PTPRQ: variants seen among roughly 807,000 people sequenced by gnomAD.
The protein encoded by PTPRQ is protein tyrosine phosphatase receptor type Q, also known as phosphatidylinositol phosphatase PTPRQ.
A neutral mutation model predicts 246.0 loss-of-function variants in PTPRQ; 199 were observed. That is an observed-to-expected ratio of 0.81 (90% CI 0.72 to 0.91). The LOEUF (loss-of-function observed/expected upper bound fraction) is 0.91. Ranked by LOEUF, PTPRQ falls within the 40% of genes least tolerant of loss-of-function variation. The pLI is 0.00. For missense variants in PTPRQ, 2,624 were observed against 2,528.4 expected (o/e 1.04, Z -0.81); for synonymous variants, 869 against 853.2 (o/e 1.02, Z -0.32).
chr12:80,519,183 A>G (rs1053382154), intron 17 of PTPRQ, among the ~76,000 whole-genome samples: 2 of 152,090 alleles, frequency 1.3e-5, no homozygotes, highest in Admixed American at 6.6e-5. Flanking sequence ...TTTATTATAG[A>G]GAACTTTTAC....
intron 26 of PTPRQ, among the ~76,000 whole-genome samples, chr12:80,603,774 G>A (rs1343835020): frequency 6.6e-6 from 1 of 151,420 alleles, no homozygotes; most frequent in African/African-American, 2.4e-5. Flanking sequence ...TCAAAGACTA[G>A]TGCAATTCCC....
In PTPRQ at chr12:80,617,207, T is replaced by A. The variant is rs532436709; in HGVS notation, c.5230+941T>A. ...CCTCTATAGGCCTGAAAAATGGAGA[T>A]AATACTGGTTCCTATCTCAAAGTTA... On this transcript the variant is annotated intron_variant, in intron 30 of 44. Coordinates refer to ENST00000644991, the MANE Select transcript of PTPRQ (RefSeq NM_001145026.2). Among the ~76,000 whole-genome samples, 825 of 151,184 alleles carry A rather than the reference T, an allele frequency of 5.5e-3. 3 individuals are homozygous for A. The highest frequency in any genetic ancestry group is 8.4e-3 in the Non-Finnish European group (565 of 67,446).
intron 25 of PTPRQ, among the ~76,000 whole-genome samples, chr12:80,577,455 C>T (rs902268607): frequency 6.6e-6 from 1 of 152,160 alleles, no homozygotes; most frequent in African/African-American, 2.4e-5. Context: ...ATTCAATTAT[C>T]TCTTCCTGGT....
intron 16 of PTPRQ, among the ~76,000 whole-genome samples, chr12:80,508,790 C>A (rs1031416059): frequency 1.3e-5 from 2 of 151,952 alleles, no homozygotes; most frequent in African/African-American, 4.8e-5. Context: ...GTTTACTTAG[C>A]AATAAAATGT....
At chr12:80,487,493 T>A (rs529283743) in intron 9 of PTPRQ, among the ~76,000 whole-genome samples, 1 of 152,256 alleles carries the variant, frequency 6.6e-6, no homozygotes, top group East Asian at 1.9e-4. Flanking sequence ...GACCTCAAGG[T>A]CATTGTCTAA....
intron 25 of PTPRQ, among the ~76,000 whole-genome samples, chr12:80,584,800 C>T (rs764073128): frequency 1.3e-5 from 2 of 152,026 alleles, no homozygotes; most frequent in Non-Finnish European, 2.9e-5. Flanking sequence ...ATCTTATGTT[C>T]AGATGATCTG....
At chr12:80,555,729 A>G (rs977141164) in intron 25 of PTPRQ, among the ~76,000 whole-genome samples, 2 of 152,198 alleles carry the variant, frequency 1.3e-5, no homozygotes, top group Non-Finnish European at 2.9e-5. Context: ...GGTGTTTTAT[A>G]CAGTATCTTT....
intron 6 of PTPRQ, among the ~76,000 whole-genome samples, chr12:80,464,096 C>G (rs1003974660): frequency 6.6e-6 from 1 of 151,744 alleles, no homozygotes; most frequent in African/African-American, 2.4e-5. Context: ...GAGTCAAGAC[C>G]CATCAGTGTG....
intron 17 of PTPRQ, chr12:80,512,786 A>C (rs1444788650): frequency 6.6e-6 from 1 of 152,128 alleles, no homozygotes; most frequent in African/African-American, 2.4e-5. Context: ...TTTTTCTCTC[A>C]TCCTTCAAGA....
rs1900298419 is a variant in PTPRQ at position 80,652,825 on chromosome 12, A to G, written c.6106A>G (p.Ile2036Val). The part of the protein sequence containing the change: ...WNRAKNRFPN[I>V]KPYNNNRVKL... ...TAGAGCAAAAAACCGCTTCCCAAAC[A>G]TAAAACCATGTATGTGCATTTGTTG... The change falls in exon 38 of 45, where the codon ATA (isoleucine) becomes GTA (valine). Residue 2036 changes from isoleucine (I) to valine (V), a missense_variant. Ile to Val is a conservative substitution (Grantham distance 29, BLOSUM62 3). Transcript: ENST00000644991. 2.0e-6 allele frequency: 3 copies of G among 1,504,138 alleles called. No homozygotes were observed. The highest frequency in any genetic ancestry group is 2.6e-5 in the East Asian group (1 of 38,406). The allele number at this position is 1,504,138 out of a possible 1,614,324, so 93.2% of individuals were successfully genotyped here.
rs1850180270 is a variant in PTPRQ at position 80,648,536 on chromosome 12, T to A, written c.5916-361T>A. On this transcript the variant is annotated intron_variant, in intron 35 of 44. Transcript: ENST00000644991. ...ACACTTTCTATATATAGAGGAAATATTTTTAAAATCCACATTAGCTCTTTT... is the reference window on the plus strand; with the variant it reads ...ACACTTTCTATATATAGAGGAAATAATTTTAAAATCCACATTAGCTCTTTT... Among the ~76,000 whole-genome samples the A allele has an allele frequency of 2.0e-5, 3 of 152,222 alleles. No individual in the cohort carries two copies. In the South Asian group the frequency reaches 6.2e-4, roughly 32 times the overall value.
chr12:80,649,025 G>T, intron 36 of PTPRQ, 102 bp downstream of exon 36: 1 of 1,138,220 alleles, frequency 8.8e-7, no homozygotes, highest in Non-Finnish European at 1.2e-6. Flanking sequence ...TATGTTTGTT[G>T]GAAAAACCTC....
intron 17 of PTPRQ, among the ~76,000 whole-genome samples, chr12:80,515,349 T>TAGGG (rs1357003890): frequency 6.6e-5 from 10 of 152,170 alleles, no homozygotes; most frequent in African/African-American, 2.4e-4. Context: ...AGTTCTCTCA[T>TAGGG]AATTCTCAGT....
At chr12:80,581,646 A>G (rs536687599) in intron 25 of PTPRQ, among the ~76,000 whole-genome samples, 3 of 152,300 alleles carry the variant, frequency 2.0e-5, no homozygotes, top group African/African-American at 7.2e-5. Context: ...AGAAAAAAAA[A>G]GTAAAAATTT....
In PTPRQ at chr12:80,549,578, G is replaced by A; in HGVS notation, c.4129G>A (p.Val1377Ile). 4 of 1,551,214 alleles carry A rather than the reference G, an allele frequency of 2.6e-6. No homozygotes were observed. The highest frequency in any genetic ancestry group is 3.5e-6 in the Non-Finnish European group (4 of 1,146,638). The change falls in exon 25 of 45, where the codon GTT (valine) becomes ATT (isoleucine). Residue 1377 changes from valine (V) to isoleucine (I), a missense_variant. Coordinates refer to ENST00000644991, the MANE Select transcript of PTPRQ (RefSeq NM_001145026.2). ...AATAATAACGCAGTATATGGTAACA[G>A]TTGAAAGGAATTCTACAAAAGTTTC... ...NGIITQYMVTVERNSTKVSPQ... is the reference protein window; with the variant it reads ...NGIITQYMVTIERNSTKVSPQ...
intron 25 of PTPRQ, among the ~76,000 whole-genome samples, chr12:80,574,667 C>G (rs1310929844): frequency 6.6e-6 from 1 of 152,092 alleles, no homozygotes; most frequent in Non-Finnish European, 1.5e-5. Context: ...AAATAAAATA[C>G]ATGAATTTTG....
chr12:80,507,340 A>G (rs182213593), intron 16 of PTPRQ, among the ~76,000 whole-genome samples: 6 of 152,168 alleles, frequency 3.9e-5, no homozygotes, highest in Admixed American at 3.9e-4. Flanking sequence ...TACATTGCAT[A>G]TTTAAAGAAA....
chr12:80,607,795 G>C (rs752911664), intron 27 of PTPRQ, among the ~76,000 whole-genome samples: 4 of 150,760 alleles, frequency 2.7e-5, no homozygotes, highest in Admixed American at 6.6e-5. Flanking sequence ...CATCCTAGAT[G>C]ATTCTGCTGG....
At chr12:80,482,680 AG>A (rs1466880284) in intron 8 of PTPRQ, among the ~76,000 whole-genome samples, 120 of 150,028 alleles carry the variant, frequency 8.0e-4, no homozygotes, top group African/African-American at 2.7e-3. Context: ...AATTTACAAG[AG>A]AAAAACAAAC....
Sources: allele counts gnomAD v4.1 joint callset (sites outside exome capture counted in the v4.1 genomes callset), GRCh38; gene constraint gnomAD v4.1.1; transcripts MANE v1.5; gene names NCBI Gene and HGNC (gene_info 2026-07-23, HGNC 2026-07-21).